The following CSRNP3 variants were observed in gnomAD, a reference collection of about 807,000 sequenced individuals.
CSRNP3 encodes the protein cysteine/serine-rich nuclear protein 3.
A neutral mutation model predicts 48.0 loss-of-function variants in CSRNP3; 12 were observed. That is an observed-to-expected ratio of 0.25 (90% CI 0.16 to 0.41). The LOEUF is 0.41. Ranked by LOEUF, CSRNP3 falls within the 10% of genes least tolerant of loss-of-function variation. CSRNP3 has a pLI of 1.00. For missense variants in CSRNP3, 580 were observed against 724.4 expected (o/e 0.80, Z 2.29); for synonymous variants, 263 against 269.7 (o/e 0.98, Z 0.24).
chr2:165,559,469 C>T (rs886202403), intron 3 of CSRNP3, among the ~76,000 whole-genome samples: 4 of 152,046 alleles, frequency 2.6e-5, no homozygotes, highest in Non-Finnish European at 4.4e-5. Context: ...ACTTTAAATA[C>T]ACTAGACCAA....
chr2:165,584,169 T>C (rs947766311), intron 3 of CSRNP3, among the ~76,000 whole-genome samples: 4 of 152,192 alleles, frequency 2.6e-5, no homozygotes, highest in African/African-American at 9.7e-5. Flanking sequence ...GTTCTTAAGA[T>C]GTCAGGATAT....
rs972742314 is a variant in CSRNP3, at chr2:165,649,851, T to G, written c.149-7910T>G. ...ACATTTACTGCCTGTGTTTCAGTTC[T>G]GATTATTCTTTTGGGAAGAAAAATA... On this transcript the variant is annotated intron_variant, in intron 4 of 6. Transcript: ENST00000651982. 2.6e-5 allele frequency among the ~76,000 whole-genome samples: 4 copies of G among 152,366 alleles called. No homozygotes were observed. In the East Asian group the frequency reaches 7.7e-4, roughly 29 times the overall value.
intron 3 of CSRNP3, among the ~76,000 whole-genome samples, chr2:165,548,030 G>A (rs1005741295): frequency 3.3e-5 from 5 of 152,028 alleles, no homozygotes; most frequent in Non-Finnish European, 5.9e-5. Context: ...TTCTAGTAAA[G>A]CATTGCAAAT....
intron 5 of CSRNP3, among the ~76,000 whole-genome samples, chr2:165,666,065 AGAAAG>A (rs1457115262): frequency 5.2e-4 from 32 of 61,496 alleles, no homozygotes; most frequent in South Asian, 1.4e-3. Flanking sequence ...AGAGGAAGAA[AGAAAG>A]AGAGAGAGAG....
rs1364686840 is a variant in CSRNP3 at position 165,666,520 on chromosome 2, AAGAC to A, written c.408+8504_408+8507del. On this transcript the variant is annotated intron_variant, in intron 5 of 6. Coordinates refer to ENST00000651982, the MANE Select transcript of CSRNP3 (RefSeq NM_001172173.2). ...GAGGAAAGAGAGAGAGGAAGAAAGAAAGACAGAGAGAGGAAGGAAGGAAGGAAGG... is the reference window on the plus strand; with the variant it reads ...GAGGAAAGAGAGAGAGGAAGAAAGAAAGAGAGAGGAAGGAAGGAAGGAAGG... Among the ~76,000 whole-genome samples the A allele has an allele frequency of 8.0e-4, 34 of 42,282 alleles. 9 individuals are homozygous for A. The highest frequency in any genetic ancestry group is 2.0e-3 in the African/African-American group (33 of 16,200). The allele number at this position is 42,282 out of a possible 152,430, so 27.7% of individuals were successfully genotyped here. A position where few individuals can be genotyped will look rare whatever the true frequency, so the allele number is the denominator to read the frequency against.
At chr2:165,648,883 C>T (rs781065957) in intron 4 of CSRNP3, among the ~76,000 whole-genome samples, 5 of 152,116 alleles carry the variant, frequency 3.3e-5, no homozygotes, top group Non-Finnish European at 7.4e-5. Flanking sequence ...TTTTTTCCAA[C>T]CTGAGAATTT....
chr2:165,671,279 G>A (rs1388537691), intron 5 of CSRNP3, among the ~76,000 whole-genome samples: 3 of 152,170 alleles, frequency 2.0e-5, no homozygotes, highest in Admixed American at 6.5e-5. Flanking sequence ...TTTAAAGGTA[G>A]CATCATGTCA....
chr2:165,575,994 G>A (rs1685444424), intron 3 of CSRNP3, among the ~76,000 whole-genome samples: 1 of 151,254 alleles, frequency 6.6e-6, no homozygotes, highest in Non-Finnish European at 1.5e-5. Flanking sequence ...TTTTATGTTG[G>A]TCAGAATATG....
intron 4 of CSRNP3, among the ~76,000 whole-genome samples, chr2:165,637,897 T>A (rs1686657714): frequency 6.6e-6 from 1 of 152,206 alleles, no homozygotes; most frequent in Admixed American, 6.5e-5. Context: ...TAACCCAGTA[T>A]TTTTTAAAAT....
chr2:165,562,187 A>G (rs1685243429), intron 3 of CSRNP3, among the ~76,000 whole-genome samples: 1 of 152,194 alleles, frequency 6.6e-6, no homozygotes, highest in Admixed American at 6.5e-5. Context: ...CAAAGAGACT[A>G]TGTTAGATAA....
At chr2:165,559,831 A>G (rs112396755) in intron 3 of CSRNP3, among the ~76,000 whole-genome samples, 8,913 of 116,708 alleles carry the variant, frequency 0.076, 375 homozygotes, top group Middle Eastern at 0.21. Flanking sequence ...ATGGAGTCTC[A>G]CTCTGTCGCC....
chr2:165,594,397 T>G lies in CSRNP3; in HGVS notation c.-23-646T>G, dbSNP rs73972106. On this transcript the variant is annotated intron_variant, in intron 3 of 6. Coordinates refer to ENST00000651982, the MANE Select transcript of CSRNP3 (RefSeq NM_001172173.2). ...GGAAAGTCCATTAACCCAAGATAAATTATTTAGAAGAAACCATATCCATTC... is the reference window on the plus strand; with the variant it reads ...GGAAAGTCCATTAACCCAAGATAAAGTATTTAGAAGAAACCATATCCATTC... Among the ~76,000 whole-genome samples the G allele has an allele frequency of 2.3e-3, 348 of 152,304 alleles. 1 individual carries two copies. Among genetic ancestry groups the G allele is most frequent in the African/African-American group, 8.0e-3 (332 of 41,554 alleles).
chr2:165,616,605 T>C (rs1686249078), intron 4 of CSRNP3, among the ~76,000 whole-genome samples: 1 of 152,234 alleles, frequency 6.6e-6, no homozygotes, highest in Non-Finnish European at 1.5e-5. Flanking sequence ...ACTGTAGATT[T>C]CTGCTCAGAA....
chr2:165,479,214 C>T (rs1322362962), intron 1 of CSRNP3, among the ~76,000 whole-genome samples: 2 of 152,040 alleles, frequency 1.3e-5, no homozygotes, highest in Non-Finnish European at 2.9e-5. Flanking sequence ...GTAACGTAGG[C>T]ACACACATAC....
chr2:165,685,874 G>A lies in CSRNP3; in HGVS notation c.*6121G>A, dbSNP rs1305373348. ...AACTCCTCTCTTTATCATTACCACG[G>A]TGATAGTTAAGTTCATTCGTTAACT... On this transcript the variant is annotated 3_prime_UTR_variant, in exon 7 of 7. Coordinates refer to ENST00000651982, the MANE Select transcript of CSRNP3 (RefSeq NM_001172173.2). The A allele has an allele frequency of 6.6e-6, 1 of 152,038 alleles. No individual in the cohort carries two copies. Among genetic ancestry groups the A allele is most frequent in the Non-Finnish European group, 1.5e-5 (1 of 67,974 alleles). The allele number at this position is 152,038 out of a possible 1,614,324, so 9.4% of individuals were successfully genotyped here.
intron 4 of CSRNP3, among the ~76,000 whole-genome samples, chr2:165,648,903 G>T (rs1396781991): frequency 6.6e-6 from 1 of 152,166 alleles, no homozygotes; most frequent in Non-Finnish European, 1.5e-5. Flanking sequence ...TTCAGTAGAT[G>T]AGTATTCGAT....
chr2:165,626,158 G>C (rs1332047051), intron 4 of CSRNP3, among the ~76,000 whole-genome samples: 1 of 151,884 alleles, frequency 6.6e-6, no homozygotes, highest in Non-Finnish European at 1.5e-5. Context: ...AGGGGGCGGA[G>C]GTTGCAGTGA....
intron 3 of CSRNP3, among the ~76,000 whole-genome samples, chr2:165,586,879 C>T (rs1368642167): frequency 1.3e-5 from 2 of 152,174 alleles, no homozygotes; most frequent in Non-Finnish European, 2.9e-5. Context: ...TGTTTTTATC[C>T]GTCCTCTTGA....
intron 2 of CSRNP3, among the ~76,000 whole-genome samples, chr2:165,497,754 TG>T (rs1684302332): frequency 1.3e-5 from 2 of 152,064 alleles, no homozygotes; most frequent in Non-Finnish European, 2.9e-5. Flanking sequence ...AGAATCAAAA[TG>T]TGAGCTGGTG....
Sources: allele counts gnomAD v4.1 joint callset (sites outside exome capture counted in the v4.1 genomes callset), GRCh38; gene constraint gnomAD v4.1.1; transcripts MANE v1.5; gene names NCBI Gene and HGNC (gene_info 2026-07-23, HGNC 2026-07-21).